STIM1: variants seen among roughly 807,000 people sequenced by gnomAD.
STIM1 encodes the protein stromal interaction molecule 1.
Under a neutral mutation model 74.7 loss-of-function variants are expected in STIM1, and 25 were observed. The ratio of observed to expected loss-of-function variants is 0.33; its 90% CI spans 0.24 to 0.47. The LOEUF is 0.47. STIM1 is among the 20% of genes least tolerant of loss of function. STIM1 has a pLI of 1.00. For missense variants in STIM1, 728 were observed against 920.8 expected, an observed-to-expected ratio of 0.79 and a Z score of 2.71; for synonymous variants, 328 against 348.8, an observed-to-expected ratio of 0.94 and a Z score of 0.66.
At chr11:3,886,127 C>T (rs1020141708) in intron 1 of STIM1, among the ~76,000 whole-genome samples, 5 of 152,066 alleles carry the variant, frequency 3.3e-5, no homozygotes, top group South Asian at 2.1e-4. Context: ...TTGTTATCTC[C>T]GATGATATCT....
intron 1 of STIM1, among the ~76,000 whole-genome samples, chr11:3,952,550 T>G (rs2093162375): frequency 6.6e-6 from 1 of 152,176 alleles, no homozygotes. Flanking sequence ...GAGTAGTCAA[T>G]GTATAGGAAA....
At chr11:3,913,923 G>A (rs909725770) in intron 1 of STIM1, among the ~76,000 whole-genome samples, 4 of 152,042 alleles carry the variant, frequency 2.6e-5, no homozygotes, top group East Asian at 1.9e-4. Flanking sequence ...CTTAATCTAC[G>A]TTGTAACGTG....
At chr11:3,855,478 G>A (rs1304150727), upstream of STIM1, 6 of 152,198 alleles carry the variant, frequency 3.9e-5, no homozygotes, top group East Asian at 1.2e-3. Flanking sequence ...ACTAGCGCGG[G>A]CCGGGGGTCC....
At chr11:4,059,482 C>A in intron 5 of STIM1, 86 bp downstream of exon 5, 2 of 1,056,910 alleles carry the variant, frequency 1.9e-6, no homozygotes, top group Non-Finnish European at 2.9e-6. Context: ...GGCTCTGGGT[C>A]TCCTAGGCAC....
intron 1 of STIM1, among the ~76,000 whole-genome samples, chr11:3,873,047 T>A (rs1473483544): frequency 1.3e-5 from 2 of 151,460 alleles, no homozygotes; most frequent in Non-Finnish European, 2.9e-5. Flanking sequence ...CTCCTGGGCG[T>A]AAATGATCCT....
At chr11:4,082,798 G>A in intron 8 of STIM1, 84 bp from the exon 9 acceptor site, 4 of 1,112,614 alleles carry the variant, frequency 3.6e-6, no homozygotes, top group Non-Finnish European at 5.5e-6. Context: ...GGAGGAGTGG[G>A]CCCCAGCCAT....
chr11:4,024,323 G>A (rs893639847), intron 3 of STIM1, among the ~76,000 whole-genome samples: 3 of 152,124 alleles, frequency 2.0e-5, no homozygotes, highest in African/African-American at 7.2e-5. Context: ...TCTTGAGGCA[G>A]CCCCTTTCTT....
chr11:3,874,764 G>A (rs1590514942), intron 1 of STIM1, among the ~76,000 whole-genome samples: 2 of 152,306 alleles, frequency 1.3e-5, no homozygotes, highest in South Asian at 2.1e-4. Flanking sequence ...GCAAGATTTG[G>A]TACTCAGGGT....
At chr11:3,962,869 G>C (rs1360202320) in intron 1 of STIM1, among the ~76,000 whole-genome samples, 1 of 152,102 alleles carries the variant, frequency 6.6e-6, no homozygotes, top group African/African-American at 2.4e-5. Flanking sequence ...GTGTTCATCT[G>C]TTTTGATTAT....
chr11:3,989,062 A>G, intron 2 of STIM1: 2 of 1,265,822 alleles, frequency 1.6e-6, no homozygotes, highest in South Asian at 2.5e-5. Flanking sequence ...TAGAGCTACT[A>G]AAAAACTTGC....
chr11:3,892,017 A>G (rs1447250703), intron 1 of STIM1, among the ~76,000 whole-genome samples: 2 of 152,266 alleles, frequency 1.3e-5, no homozygotes, highest in Non-Finnish European at 2.9e-5. Flanking sequence ...TGTCTAGCAG[A>G]GTGTCTAAGG....
intron 12 of STIM1, among the ~76,000 whole-genome samples, chr11:4,090,780 G>A (rs566959284): frequency 1.3e-5 from 2 of 152,330 alleles, no homozygotes; most frequent in African/African-American, 2.4e-5. Flanking sequence ...TGAGGATGCC[G>A]CCTGTGGAAT....
chr11:3,896,172 G>A (rs2092165171), intron 1 of STIM1, among the ~76,000 whole-genome samples: 1 of 151,962 alleles, frequency 6.6e-6, no homozygotes, highest in African/African-American at 2.4e-5. Flanking sequence ...CCAAAGTGCT[G>A]GGATTACAGG....
chr11:4,004,426 A>G (rs1411559583), intron 2 of STIM1, among the ~76,000 whole-genome samples: 2 of 151,302 alleles, frequency 1.3e-5, no homozygotes, highest in African/African-American at 2.4e-5. Flanking sequence ...CTCAGAAATA[A>G]CGCCGCATAT....
At chr11:3,974,272 C>T in intron 2 of STIM1, 1 of 335,174 alleles carries the variant, frequency 3.0e-6, no homozygotes, top group Non-Finnish European at 5.4e-6. Flanking sequence ...ATGATGTTTT[C>T]AGCGGCATCC....
intron 1 of STIM1, among the ~76,000 whole-genome samples, chr11:3,910,222 A>T (rs1354465564): frequency 6.6e-6 from 1 of 152,224 alleles, no homozygotes; most frequent in Non-Finnish European, 1.5e-5. Flanking sequence ...AGGGATAGAC[A>T]TGGTCAAATT....
At chr11:3,914,464 A>T (rs2092612048) in intron 1 of STIM1, among the ~76,000 whole-genome samples, 1 of 152,050 alleles carries the variant, frequency 6.6e-6, no homozygotes, top group South Asian at 2.1e-4. Context: ...ATTTTTTGAG[A>T]CGGAGTCTCA....
intron 2 of STIM1, among the ~76,000 whole-genome samples, chr11:3,995,455 ATGG>A (rs1299159349): frequency 6.6e-6 from 1 of 152,094 alleles, no homozygotes; most frequent in East Asian, 1.9e-4. Flanking sequence ...TTGGATGATA[ATGG>A]TTTGGGCAGA....
chr11:3,997,544 C>T (rs193096285), intron 2 of STIM1, among the ~76,000 whole-genome samples: 41 of 152,156 alleles, frequency 2.7e-4, no homozygotes, highest in African/African-American at 5.8e-4. Context: ...CAGAAGAGGA[C>T]GCCCTAAGTC....
Sources: gnomAD v4.1 joint callset for allele counts (sites outside exome capture counted in the v4.1 genomes callset) on GRCh38, gnomAD v4.1.1 for gene constraint, MANE v1.5 for transcripts, NCBI Gene and HGNC (gene_info 2026-07-23, HGNC 2026-07-21) for gene names.